The following FAT3 variants were observed in gnomAD, a reference collection of about 807,000 sequenced individuals.
FAT3 encodes the protein protocadherin Fat 3.
In FAT3, 95 loss-of-function variants were observed where a neutral mutation model predicts 310.2. The ratio of observed to expected loss-of-function variants is 0.31; its 90% CI spans 0.26 to 0.36. The LOEUF (loss-of-function observed/expected upper bound fraction) is 0.36, where lower values mean the gene tolerates loss of function less well. FAT3 is among the 10% of genes least tolerant of loss of function. The probability of loss-of-function intolerance (pLI) is 1.00; values close to 1 mark genes in which losing one functional copy is unlikely to be tolerated. For missense variants in FAT3, 5,408 were observed against 5,715.6 expected (o/e 0.95, Z 1.74); for synonymous variants, 2,314 against 2,192.9 (o/e 1.06, Z -1.54).
In FAT3 at chr11:92,799,563, C is replaced by G; in HGVS notation, c.6550C>G (p.Pro2184Ala). 1 of 1,613,786 alleles carries G rather than the reference C, an allele frequency of 6.2e-7. No individual in the cohort carries two copies. Among genetic ancestry groups the G allele is most frequent in the Non-Finnish European group, 8.5e-7 (1 of 1,179,836 alleles). The change falls in exon 10 of 28, where the codon CCT becomes GCT. Residue 2184 changes from proline (P) to alanine (A), a missense_variant. Physicochemically the swap from Pro to Ala is conservative, Grantham distance 27. Around this residue, in one of 5 missense-constraint regions of FAT3, gnomAD observed 4,588 missense variants for 4,809.8 expected, o/e 0.95. Transcript: ENST00000525166. ...LPITIVNKAMPVFDKPFYTAS... is the reference protein window; with the variant it reads ...LPITIVNKAMAVFDKPFYTAS... ...CATCACTATTGTCAACAAAGCAATG[C>G]CTGTGTTTGATAAGCCCTTTTATAC...
chr11:92,779,992 A>G (rs997003599), intron 7 of FAT3, among the ~76,000 whole-genome samples: 4 of 152,056 alleles, frequency 2.6e-5, no homozygotes, highest in Non-Finnish European at 5.9e-5. Flanking sequence ...TACAACCACA[A>G]GGAACTATAT....
At chr11:92,312,143 C>A (rs1235495595) in intron 1 of FAT3, among the ~76,000 whole-genome samples, 1 of 152,224 alleles carries the variant, frequency 6.6e-6, no homozygotes, top group Non-Finnish European at 1.5e-5. Context: ...CAGTGACTCT[C>A]AACCTGGGCG....
At chr11:92,233,543 A>T (rs1046969879) in intron 1 of FAT3, among the ~76,000 whole-genome samples, 22 of 152,194 alleles carry the variant, frequency 1.4e-4, no homozygotes, top group African/African-American at 5.3e-4. Flanking sequence ...TAGCTTCCTC[A>T]CCTGAGTGAT....
At chr11:92,695,418 C>T (rs935163524) in intron 3 of FAT3, among the ~76,000 whole-genome samples, 1 of 152,046 alleles carries the variant, frequency 6.6e-6, no homozygotes, top group Admixed American at 6.6e-5. Context: ...GGCAGTCTTT[C>T]CTCCTTAATC....
intron 27 of FAT3, among the ~76,000 whole-genome samples, chr11:92,890,194 G>A (rs1196960777): frequency 6.6e-6 from 1 of 152,200 alleles, no homozygotes. Context: ...CTAGGAAGAG[G>A]GAGTGGGGAC....
intron 2 of FAT3, among the ~76,000 whole-genome samples, chr11:92,416,631 G>T (rs887766283): frequency 1.3e-5 from 2 of 152,140 alleles, no homozygotes; most frequent in African/African-American, 4.8e-5. Flanking sequence ...GTGCTTTATC[G>T]ACTAAACAGC....
In FAT3 at chr11:92,332,226, C is replaced by A. The variant is rs553785733; in HGVS notation, c.-17-19870C>A. ...CTGATTCTTTCTCAGACAGTTCTTGCACTTTCCCACATCTGTGTTTTTACT... is the reference window on the plus strand; with the variant it reads ...CTGATTCTTTCTCAGACAGTTCTTGAACTTTCCCACATCTGTGTTTTTACT... On this transcript the variant is annotated intron_variant, in intron 1 of 27. Coordinates refer to ENST00000525166, the MANE Select transcript of FAT3 (RefSeq NM_001367949.2). Among the ~76,000 whole-genome samples the A allele has an allele frequency of 5.9e-5, 9 of 152,328 alleles. No individual in the cohort carries two copies. In the East Asian group the frequency reaches 1.5e-3, roughly 26 times the overall value.
intron 13 of FAT3, among the ~76,000 whole-genome samples, chr11:92,830,478 C>T (rs1369704224): frequency 6.6e-6 from 1 of 152,132 alleles, no homozygotes; most frequent in African/African-American, 2.4e-5. Context: ...GGCTCACTGA[C>T]CCTTAGATTT....
intron 21 of FAT3, among the ~76,000 whole-genome samples, chr11:92,859,591 C>T (rs1393707099): frequency 6.6e-6 from 1 of 152,152 alleles, no homozygotes; most frequent in African/African-American, 2.4e-5. Context: ...TGTAATCGCT[C>T]AACAGTTCAT....
intron 3 of FAT3, among the ~76,000 whole-genome samples, chr11:92,576,838 G>C (rs1009206152): frequency 2.0e-5 from 3 of 152,110 alleles, no homozygotes; most frequent in Non-Finnish European, 4.4e-5. Flanking sequence ...CAGTATACTT[G>C]TACACTGAAG....
At position 92,832,023 on chromosome 11, in the gene FAT3, G is replaced by A. The variant is rs1283954989; in HGVS notation, c.9871+12G>A. ...CAACCCCAAGACAGGTGGGTAAATAGCACTGTACTTAGAATACAGAGCTTC... is the reference window on the plus strand; with the variant it reads ...CAACCCCAAGACAGGTGGGTAAATAACACTGTACTTAGAATACAGAGCTTC... On this transcript the variant is annotated intron_variant, in intron 14 of 27. Coordinates refer to ENST00000525166, the MANE Select transcript of FAT3 (RefSeq NM_001367949.2). 6.5e-7 allele frequency: 1 copy of A among 1,527,862 alleles called. No homozygotes were observed. The highest frequency in any genetic ancestry group is 8.8e-7 in the Non-Finnish European group (1 of 1,138,522). The allele number at this position is 1,527,862 out of a possible 1,614,324, so 94.6% of individuals were successfully genotyped here.
chr11:92,669,508 C>T (rs1234385088), intron 3 of FAT3, among the ~76,000 whole-genome samples: 1 of 152,202 alleles, frequency 6.6e-6, no homozygotes, highest in African/African-American at 2.4e-5. Flanking sequence ...CCCTCTTATG[C>T]CTCTTGATCC....
chr11:92,752,413 G>A (rs557468503), intron 4 of FAT3, among the ~76,000 whole-genome samples: 1 of 152,338 alleles, frequency 6.6e-6, no homozygotes, highest in South Asian at 2.1e-4. Context: ...GGTTAAATTG[G>A]TGTAAAAACA....
chr11:92,560,543 C>T (rs1306462906), intron 3 of FAT3, among the ~76,000 whole-genome samples: 1 of 151,946 alleles, frequency 6.6e-6, no homozygotes. Flanking sequence ...CTGTGTTTTC[C>T]TTCTTACTTT....
chr11:92,589,218 A>T (rs373594790), intron 3 of FAT3, among the ~76,000 whole-genome samples: 28 of 152,204 alleles, frequency 1.8e-4, no homozygotes, highest in African/African-American at 6.0e-4. Context: ...GTGACCTGGA[A>T]GTCACATTCC....
intron 2 of FAT3, among the ~76,000 whole-genome samples, chr11:92,507,491 A>G (rs1225193807): frequency 6.6e-6 from 1 of 151,908 alleles, no homozygotes; most frequent in Non-Finnish European, 1.5e-5. Context: ...GTGTGTATAT[A>G]CACACATATA....
At chr11:92,791,219 A>T (rs3843604) in intron 8 of FAT3, among the ~76,000 whole-genome samples, 120,549 of 152,072 alleles carry the variant, frequency 0.79, 48,302 homozygotes, top group Non-Finnish European at 0.85. Flanking sequence ...TCATTTAACA[A>T]ATATTTCTCA....
At chr11:92,862,826 G>A (rs1265656773) in intron 21 of FAT3, among the ~76,000 whole-genome samples, 1 of 152,200 alleles carries the variant, frequency 6.6e-6, no homozygotes, top group Non-Finnish European at 1.5e-5. Context: ...CCCCTTGCAT[G>A]TAGGTATGAG....
chr11:92,588,356 G>A (rs1939256910), intron 3 of FAT3, among the ~76,000 whole-genome samples: 1 of 151,878 alleles, frequency 6.6e-6, no homozygotes, highest in Admixed American at 6.6e-5. Flanking sequence ...TAAGTCATGA[G>A]TGTGGTACAT....
Sources: allele counts gnomAD v4.1 joint callset (sites outside exome capture counted in the v4.1 genomes callset), GRCh38; gene constraint gnomAD v4.1.1; regional missense constraint gnomAD v4.1.1; transcripts MANE v1.5; gene names NCBI Gene and HGNC (gene_info 2026-07-23, HGNC 2026-07-21).